Variants in TLCD4 observed in about 807,000 individuals in gnomAD.
The protein encoded by TLCD4 is TLC domain containing 4, also known as TLC domain-containing protein 4.
Under a neutral mutation model 24.2 loss-of-function variants are expected in TLCD4, and 7 were observed. The observed-to-expected ratio is 0.29, with a 90% CI of 0.16 to 0.54. The LOEUF is 0.54. Ranked by LOEUF, TLCD4 falls within the 20% of genes least tolerant of loss-of-function variation. TLCD4 has a pLI of 0.95. For missense variants in TLCD4, 259 were observed against 313.9 expected, an observed-to-expected ratio of 0.82 and a Z score of 1.32; for synonymous variants, 103 against 106.4, an observed-to-expected ratio of 0.97 and a Z score of 0.20.
intron 5 of TLCD4, among the ~76,000 whole-genome samples, chr1:95,158,183 T>G (rs1677683451): frequency 9.3e-6 from 1 of 108,040 alleles, no homozygotes. Context: ...GATACTTAAT[T>G]TTTTCTTTTT....
chr1:95,174,507 C>CAAAAAAAA (rs141819142), intron 6 of TLCD4, among the ~76,000 whole-genome samples: 4 of 85,868 alleles, frequency 4.7e-5, no homozygotes, highest in Admixed American at 1.3e-4. Context: ...CCCATCCCTA[C>CAAAAAAAA]AAAAAAAAAA....
chr1:95,147,935 GA>G (rs1315507706), intron 2 of TLCD4, among the ~76,000 whole-genome samples: 15 of 152,124 alleles, frequency 9.9e-5, no homozygotes, highest in Non-Finnish European at 1.5e-4. Context: ...TATATTCATA[GA>G]AACTTATGGT....
chr1:95,147,077 T>TA (rs1347421958), intron 2 of TLCD4, among the ~76,000 whole-genome samples: 1 of 110,870 alleles, frequency 9.0e-6, no homozygotes, highest in East Asian at 2.8e-4. Flanking sequence ...AGGAATTTAA[T>TA]TTTTTTTTTT....
upstream of TLCD4, among the ~76,000 whole-genome samples, chr1:95,115,464 C>T (rs1676412196): frequency 6.6e-6 from 1 of 152,198 alleles, no homozygotes; most frequent in Non-Finnish European, 1.5e-5. Context: ...GGAAAAAATA[C>T]AGTTGATGTA....
chr1:95,138,991 C>T (rs1325054006), intron 1 of TLCD4, among the ~76,000 whole-genome samples: 1 of 135,658 alleles, frequency 7.4e-6, no homozygotes, highest in African/African-American at 2.8e-5. Context: ...ACTTTGAGAC[C>T]ATCCTGGGCA....
chr1:95,100,400 C>A, the TLCD4 span, among the ~76,000 whole-genome samples: 1 of 151,868 alleles, frequency 6.6e-6, no homozygotes, highest in Admixed American at 6.6e-5. Context: ...CATGGTAAAA[C>A]CTTGTCTCTA....
intron 1 of TLCD4, among the ~76,000 whole-genome samples, chr1:95,127,064 G>A (rs1298386609): frequency 6.6e-6 from 1 of 152,194 alleles, no homozygotes; most frequent in Non-Finnish European, 1.5e-5. Flanking sequence ...TAACTATCTT[G>A]CCATTAGGCA....
intron 5 of TLCD4, chr1:95,164,627 C>T (rs1456038255): frequency 6.6e-6 from 1 of 152,172 alleles, no homozygotes; most frequent in Non-Finnish European, 1.5e-5. Context: ...CATCTTGGAA[C>T]CCCCGCCACC....
At chr1:95,189,954 G>A (rs1465228475) in intron 6 of TLCD4, among the ~76,000 whole-genome samples, 1 of 152,172 alleles carries the variant, frequency 6.6e-6, no homozygotes, top group Non-Finnish European at 1.5e-5. Flanking sequence ...TAAAGTGGTT[G>A]TACCATTTTG....
At chr1:95,095,136 T>G in the TLCD4 span, among the ~76,000 whole-genome samples, 2 of 152,214 alleles carry the variant, frequency 1.3e-5, no homozygotes, top group Non-Finnish European at 2.9e-5. Flanking sequence ...CTATGCTTAA[T>G]AAATGTCATG....
intron 1 of TLCD4, among the ~76,000 whole-genome samples, chr1:95,125,301 C>T (rs192329248): frequency 6.6e-5 from 10 of 152,166 alleles, no homozygotes; most frequent in Non-Finnish European, 1.5e-4. Flanking sequence ...TTGCACATCA[C>T]CTTACTAAGC....
the TLCD4 span, among the ~76,000 whole-genome samples, chr1:95,102,235 A>C: frequency 6.6e-6 from 1 of 152,218 alleles, no homozygotes; most frequent in Non-Finnish European, 1.5e-5. Context: ...GTACTGAGCA[A>C]TGGGAGAAGA....
intron 6 of TLCD4, among the ~76,000 whole-genome samples, chr1:95,187,878 C>T (rs1045677392): frequency 2.0e-5 from 3 of 151,946 alleles, no homozygotes; most frequent in African/African-American, 7.3e-5. Flanking sequence ...TGAGGCGCCT[C>T]TCCTCTTCTT....
chr1:95,099,518 C>T, the TLCD4 span, among the ~76,000 whole-genome samples: 2 of 152,028 alleles, frequency 1.3e-5, no homozygotes, highest in African/African-American at 4.8e-5. Context: ...TGTTTAAGTC[C>T]TCATTTCCTC....
At chr1:95,145,044 T>C (rs1677308585) in intron 2 of TLCD4, among the ~76,000 whole-genome samples, 1 of 152,206 alleles carries the variant, frequency 6.6e-6, no homozygotes. Context: ...CTTATTAATC[T>C]CACAAGATTT....
intron 5 of TLCD4, among the ~76,000 whole-genome samples, chr1:95,165,558 C>T (rs1009329653): frequency 5.9e-5 from 9 of 151,750 alleles, no homozygotes; most frequent in Non-Finnish European, 8.8e-5. Flanking sequence ...CTCCACTTCC[C>T]GGGTTCAAGC....
chr1:95,104,105 T>C, the TLCD4 span, among the ~76,000 whole-genome samples: 1 of 152,166 alleles, frequency 6.6e-6, no homozygotes, highest in Non-Finnish European at 1.5e-5. Context: ...TTTTATTAAC[T>C]TTAGGTAATT....
chr1:95,123,622 CCTAG>C, intron 1 of TLCD4, among the ~76,000 whole-genome samples: 1 of 152,308 alleles, frequency 6.6e-6, no homozygotes, highest in East Asian at 1.9e-4. Context: ...CCTAAACACA[CCTAG>C]TTATCAGTTT....
intron 1 of TLCD4, among the ~76,000 whole-genome samples, chr1:95,118,578 A>G (rs970624040): frequency 6.6e-6 from 1 of 152,206 alleles, no homozygotes; most frequent in African/African-American, 2.4e-5. Flanking sequence ...AGGAAAAAAG[A>G]TTTAATAAAA....
Sources: gnomAD v4.1 joint callset for allele counts (sites outside exome capture counted in the v4.1 genomes callset) on GRCh38, gnomAD v4.1.1 for gene constraint, MANE v1.5 for transcripts, NCBI Gene and HGNC (gene_info 2026-07-23, HGNC 2026-07-21) for gene names.